Variants in THSD1 observed in about 807,000 individuals in gnomAD.
THSD1 encodes the protein thrombospondin type-1 domain-containing protein 1.
THSD1 carries 34 observed loss-of-function variants against 46.3 expected under a neutral mutation model. The ratio of observed to expected loss-of-function variants is 0.74; its 90% confidence interval spans 0.56 to 0.98. THSD1 has a LOEUF of 0.98. Ranked by LOEUF, THSD1 falls within the 50% of genes least tolerant of loss-of-function variation. The pLI is 0.00. For missense variants in THSD1, 1,023 were observed against 1,058.3 expected (o/e 0.97, Z 0.46); for synonymous variants, 407 against 416.5 (o/e 0.98, Z 0.28).
chr13:52,389,921 C>A (rs774641702), intron 3 of THSD1, among the ~76,000 whole-genome samples: 5 of 152,090 alleles, frequency 3.3e-5, no homozygotes, highest in Non-Finnish European at 5.9e-5. Flanking sequence ...AGGTGGATCA[C>A]TTGAGCTCAG....
In THSD1 at chr13:52,397,409, G is replaced by C; in HGVS notation, c.844C>G (p.Pro282Ala). The C allele has an allele frequency of 6.2e-7, 1 of 1,614,072 alleles. No homozygotes were observed. Among genetic ancestry groups the C allele is most frequent in the Non-Finnish European group, 8.5e-7 (1 of 1,180,010 alleles). Residue 282 changes from proline (P) to alanine (A), a missense_variant, in exon 3 of 5, where the codon CCT becomes GCT. By Grantham distance (27) the Pro-to-Ala change is conservative. Coordinates refer to ENST00000258613, the MANE Select transcript of THSD1 (RefSeq NM_018676.4). The stretch of plus-strand genomic sequence containing the variant: ...GCCAAGTGAATGGTCCTCTTCCCAG[G>C]GTATCTGGGGGCCTCCTTGAAGACA... ...VTVFKEAPRY[P>A]GKRTIHLAEN...
chr13:52,378,802 AC>A lies in THSD1; in HGVS notation c.1181-14del, dbSNP rs756279092. 2.1e-5 allele frequency: 31 copies of A among 1,503,466 alleles called. No individual in the cohort carries two copies. Among genetic ancestry groups the A allele is most frequent in the South Asian group, 3.7e-5 (3 of 80,144 alleles). The allele number at this position is 1,503,466 out of a possible 1,614,324, so 93.1% of individuals were successfully genotyped here. On this transcript the variant is annotated splice_polypyrimidine_tract_variant and intron_variant, in intron 4 of 4. Coordinates refer to ENST00000258613, the MANE Select transcript of THSD1 (RefSeq NM_018676.4). ...GATGGCTGGAAAGCTGCAAAAAAAA[AC>A]AAAACAAAACAAACAAACAAAAAAC... is the stretch of plus-strand genomic sequence containing the variant.
Position 52,378,394 on chromosome 13 carries a change from G to C in THSD1, c.1576C>G (p.Pro526Ala). The change falls in exon 5 of 5, where the codon CCT becomes GCT. Residue 526 changes from proline to alanine, a missense_variant. By Grantham distance (27) the Pro-to-Ala change is conservative. Transcript: ENST00000258613. ...TGGGCAAGGCGGTAGCTGAACAGAG[G>C]TGGGATTATCTTCTGGGCGTTGGAC... The part of the protein sequence containing the change: ...FQSNAQKIIP[P>A]LFSYRLAQQQ... The C allele has an allele frequency of 6.2e-7, 1 of 1,614,074 alleles. No homozygotes were observed. The highest frequency in any genetic ancestry group is 8.5e-7 in the Non-Finnish European group (1 of 1,180,034).
In THSD1 at chr13:52,403,938, ATTTTTTTTTT is replaced by A. The variant is rs67802176; in HGVS notation, c.-81-1267_-81-1258del. 3.0e-4 allele frequency among the ~76,000 whole-genome samples: 19 copies of A among 63,922 alleles called. No homozygotes were observed. The East Asian group carries it at 8.0e-3, about 27-fold the overall frequency. The allele number at this position is 63,922 out of a possible 152,430, so 41.9% of individuals were successfully genotyped here. Reference sequence around the variant, plus strand: ...GTTTAAGGTCCCCCCCATTATTCACATTTTTTTTTTTTTTTTTTTTTTTTTTTTAGACAGA... The same window carrying A: ...GTTTAAGGTCCCCCCCATTATTCACATTTTTTTTTTTTTTTTTTAGACAGA... On this transcript the variant is annotated intron_variant, in intron 1 of 4. Coordinates refer to ENST00000258613, the MANE Select transcript of THSD1 (RefSeq NM_018676.4).
Position 52,398,096 on chromosome 13 carries a change from T to C in THSD1, c.157A>G (p.Asn53Asp), listed in dbSNP as rs766699678. 4.2e-5 allele frequency: 67 copies of C among 1,614,228 alleles called. No individual in the cohort carries two copies. Among genetic ancestry groups the C allele is most frequent in the Non-Finnish European group, 5.6e-5 (66 of 1,180,044 alleles). The change falls in exon 3 of 5, where the codon AAT (asparagine) becomes GAT (aspartate). Residue 53 changes from asparagine (N) to aspartate (D), a missense_variant. Around this residue, in one of 3 missense-constraint regions of THSD1, gnomAD observed 429 missense variants for 518.3 expected, o/e 0.83. Transcript: ENST00000258613. ...YVDFQYFDGA[N>D]GTLRNVSVLL... ...ACAGATACATTCCTCAGTGTCCCAT[T>C]AGCACCATCAAAATACTGGAAATCC...
chr13:52,385,954 G>A, intron 4 of THSD1, 74 bp downstream of exon 4: 1 of 1,417,868 alleles, frequency 7.1e-7, no homozygotes, highest in Non-Finnish European at 9.7e-7. Context: ...GTAACTCTCA[G>A]GCAGGCCTGG....
In THSD1 at chr13:52,377,685, C is replaced by T; in HGVS notation, c.2285G>A (p.Gly762Glu). ...GACACTCTTGTGACTGGGGGACGGT[C>T]CCCGACGAGCTCTGTGGGGCTCTGT... Reference protein sequence around the residue: ...ERTEPHRARRGPSPSHKSVSR... With the variant: ...ERTEPHRARREPSPSHKSVSR... The change falls in exon 5 of 5, where the codon GGA becomes GAA. Residue 762 changes from glycine (G) to glutamate (E), a missense_variant. Gly to Glu is a moderately conservative substitution (Grantham distance 98). Transcript: ENST00000258613. 6.2e-7 allele frequency: 1 copy of T among 1,609,776 alleles called. No homozygotes were observed. Among genetic ancestry groups the T allele is most frequent in the Non-Finnish European group, 8.5e-7 (1 of 1,176,776 alleles).
rs754734212 is a variant in THSD1, at chr13:52,378,090, T to A, written c.1880A>T (p.Lys627Met). ...GCTGCCCACGTGCCTTGCCTGTGAC[T>A]TGCGGATCAGAGTCTGGCTGGGGCT... is the stretch of plus-strand genomic sequence containing the variant. ...AISPSQTLIR[K>M]SQARHVGSRG... Residue 627 changes from lysine (K) to methionine (M), a missense_variant, in exon 5 of 5, where the codon AAG (lysine) becomes ATG (methionine). This residue lies in a region of THSD1 where 578 missense variants were observed against 497.4 expected (regional missense o/e 1.16). Coordinates refer to ENST00000258613, the MANE Select transcript of THSD1 (RefSeq NM_018676.4). 5.0e-6 allele frequency: 8 copies of A among 1,614,198 alleles called. No individual in the cohort carries two copies. The South Asian group carries it at 7.7e-5, about 16-fold the overall frequency.
intron 4 of THSD1, among the ~76,000 whole-genome samples, chr13:52,379,775 A>G (rs1957677892): frequency 6.6e-6 from 1 of 152,126 alleles, no homozygotes; most frequent in Non-Finnish European, 1.5e-5. Flanking sequence ...GCCCAGCCAG[A>G]AATTTTCAAG....
At chr13:52,394,380 G>A (rs939724998) in intron 3 of THSD1, among the ~76,000 whole-genome samples, 3 of 152,160 alleles carry the variant, frequency 2.0e-5, no homozygotes, top group Admixed American at 6.5e-5. Context: ...TTGGGAGGCC[G>A]AGGCAGGTGG....
chr13:52,397,657 C>G lies in THSD1; in HGVS notation c.596G>C (p.Gly199Ala). Residue 199 changes from glycine (G) to alanine (A), a missense_variant, in exon 3 of 5, where the codon GGT becomes GCT. By Grantham distance (60) the Gly-to-Ala change is moderately conservative. Around this residue, in one of 3 missense-constraint regions of THSD1, gnomAD observed 429 missense variants for 518.3 expected, o/e 0.83. Transcript: ENST00000258613. ...RTSKRTELAQGQWVEFGCAPL... is the reference protein window; with the variant it reads ...RTSKRTELAQAQWVEFGCAPL... Reference sequence around the variant, plus strand: ...TGCACAGCCAAACTCAACCCACTGACCTTGAGCAAGTTCTGTCCTTTTGCT... The same window carrying G: ...TGCACAGCCAAACTCAACCCACTGAGCTTGAGCAAGTTCTGTCCTTTTGCT... The G allele has an allele frequency of 6.2e-7, 1 of 1,614,200 alleles. No individual in the cohort carries two copies. The highest frequency in any genetic ancestry group is 1.3e-5 in the African/African-American group (1 of 75,052).
At chr13:52,390,489 T>A (rs748592700) in intron 3 of THSD1, among the ~76,000 whole-genome samples, 1 of 152,156 alleles carries the variant, frequency 6.6e-6, no homozygotes, top group South Asian at 2.1e-4. Flanking sequence ...TTATGTTCCA[T>A]CTAGAGGTCC....
intron 3 of THSD1, among the ~76,000 whole-genome samples, chr13:52,393,626 A>G (rs572167938): frequency 6.6e-6 from 1 of 152,224 alleles, no homozygotes; most frequent in African/African-American, 2.4e-5. Flanking sequence ...CCACTGCACT[A>G]CATCCTGGGC....
Position 52,377,617 on chromosome 13 carries a change from G to A in THSD1, c.2353C>T (p.Gln785Ter). The A allele has an allele frequency of 6.2e-7, 1 of 1,608,918 alleles. No individual in the cohort carries two copies. Among genetic ancestry groups the A allele is most frequent in the South Asian group, 1.1e-5 (1 of 90,744 alleles). The change falls in exon 5 of 5, where the codon CAG becomes TAG. Residue 785 changes from glutamine (Q) to a stop codon, truncating the protein, a stop_gained. Transcript: ENST00000258613. LOFTEE classifies it high-confidence loss of function. ...GAAGGGCTCAGAGAACTGACCCTCT[G>A]GTAGTTATCTTTGGGGGATATGGGA... ...SSPISPKDNYQRVSSLSPSQC... is the reference protein window; with the variant it reads ...SSPISPKDNY
At position 52,397,905 on chromosome 13, in the gene THSD1, C is replaced by A. The variant is rs771947454; in HGVS notation, c.348G>T (p.Trp116Cys). 2.1e-5 allele frequency: 34 copies of A among 1,614,128 alleles called. No homozygotes were observed. The highest frequency in any genetic ancestry group is 2.9e-5 in the Non-Finnish European group (34 of 1,180,044). Reference sequence around the variant, plus strand: ...CCTTCAGAAAGGCACTTTTCTCCCACCAGGGGAATGGAGTGCTGTTGTCTG... The same window carrying A: ...CCTTCAGAAAGGCACTTTTCTCCCAACAGGGGAATGGAGTGCTGTTGTCTG... ...EATDNSTPFP[W>C]WEKSAFLKVE... The change falls in exon 3 of 5, where the codon TGG becomes TGT. Residue 116 changes from tryptophan to cysteine, a missense_variant. Physicochemically the swap from Trp to Cys is radical, Grantham distance 215. Coordinates refer to ENST00000258613, the MANE Select transcript of THSD1 (RefSeq NM_018676.4).
intron 3 of THSD1, among the ~76,000 whole-genome samples, chr13:52,397,017 C>T (rs1180398717): frequency 6.6e-6 from 1 of 152,132 alleles, no homozygotes; most frequent in Non-Finnish European, 1.5e-5. Context: ...TGTATTGCCC[C>T]TATTTTACTG....
intron 4 of THSD1, among the ~76,000 whole-genome samples, chr13:52,383,114 A>G (rs1403195907): frequency 6.6e-6 from 1 of 152,038 alleles, no homozygotes; most frequent in Non-Finnish European, 1.5e-5. Flanking sequence ...CAGGCCCTAT[A>G]ATATTGTACT....
chr13:52,378,649 G>T lies in THSD1; in HGVS notation c.1321C>A (p.Arg441=). 1 of 1,614,066 alleles carries T rather than the reference G, an allele frequency of 6.2e-7. No individual in the cohort carries two copies. The highest frequency in any genetic ancestry group is 8.5e-7 in the Non-Finnish European group (1 of 1,180,012). ...GCAGGTGTGCTGCACTTGGCTGGCC[G>T]GCCGAACCTCCTCCACAGCGTGATG... ...VLITLWRRFG[R]PAKCSTPARH... is the part of the protein sequence containing the mutation. The change falls in exon 5 of 5, where the codon CGG becomes AGG. Residue 441 remains arginine (R), a synonymous_variant. Transcript: ENST00000258613.
chr13:52,405,190 A>C (rs1472410839), intron 1 of THSD1, among the ~76,000 whole-genome samples: 1 of 152,228 alleles, frequency 6.6e-6, no homozygotes, highest in Non-Finnish European at 1.5e-5. Flanking sequence ...TCAGCTGAGA[A>C]GGTGGGGAAA....
Sources: gnomAD v4.1 joint callset for allele counts (sites outside exome capture counted in the v4.1 genomes callset) on GRCh38, gnomAD v4.1.1 for gene constraint, gnomAD v4.1.1 regional missense constraint, MANE v1.5 for transcripts, NCBI Gene and HGNC (gene_info 2026-07-23, HGNC 2026-07-21) for gene names.